Variants in MYOCD observed in about 807,000 individuals in gnomAD.
MYOCD encodes myocardin.
In MYOCD, 32 loss-of-function variants were observed where a neutral mutation model predicts 96.1. The observed-to-expected ratio is 0.33, with a 90% CI of 0.25 to 0.45. MYOCD has a LOEUF of 0.45. Among genes scored for constraint, MYOCD ranks in the 20% least tolerant of loss-of-function variants. The pLI, the probability that MYOCD is intolerant of heterozygous loss-of-function variation, is 1.00. For synonymous variants in MYOCD, 469 were observed against 469.0 expected, an observed-to-expected ratio of 1.00 and a Z score of 0.00; for missense variants, 1,133 against 1,200.6, an observed-to-expected ratio of 0.94 and a Z score of 0.83.
At chr17:12,739,940 C>A (rs950099618) in intron 7 of MYOCD, among the ~76,000 whole-genome samples, 23 of 151,324 alleles carry the variant, frequency 1.5e-4, no homozygotes, top group Non-Finnish European at 4.4e-5. Context: ...TTTTCTTTTT[C>A]TTTTTTCTTT....
At chr17:12,678,192 A>G (rs1910209434) in intron 1 of MYOCD, among the ~76,000 whole-genome samples, 1 of 151,920 alleles carries the variant, frequency 6.6e-6, no homozygotes, top group Non-Finnish European at 1.5e-5. Context: ...CGCCCAGCCT[A>G]TCATTTCTTT....
intron 1 of MYOCD, among the ~76,000 whole-genome samples, chr17:12,679,387 C>T (rs1374396402): frequency 6.6e-6 from 1 of 152,108 alleles, no homozygotes; most frequent in Non-Finnish European, 1.5e-5. Flanking sequence ...GCAGCCTTCA[C>T]AAAGGATTGT....
chr17:12,700,373 A>C (rs2150668525), intron 1 of MYOCD, among the ~76,000 whole-genome samples: 1 of 143,788 alleles, frequency 7.0e-6, no homozygotes. Context: ...AGAGTCTTCT[A>C]ATTGGCTAAC....
chr17:12,681,866 GCAGA>G (rs1910487317), intron 1 of MYOCD, among the ~76,000 whole-genome samples: 1 of 152,210 alleles, frequency 6.6e-6, no homozygotes, highest in African/African-American at 2.4e-5. Flanking sequence ...CAGTAGATGA[GCAGA>G]CAGTCAGGCC....
At position 12,766,208 on chromosome 17, in the gene MYOCD, A is replaced by T. The variant is rs1392593063; in HGVS notation, c.*2564A>T. The stretch of plus-strand genomic sequence containing the variant: ...GAAAACAAACTCACACAGTGCCCCT[A>T]CTCTGAGACCTGGGACTGAGTGTTA... On this transcript the variant is annotated 3_prime_UTR_variant, in exon 14 of 14. Transcript: ENST00000425538. The T allele has an allele frequency of 6.6e-6, 1 of 151,910 alleles. No individual in the cohort carries two copies. Among genetic ancestry groups the T allele is most frequent in the Non-Finnish European group, 1.5e-5 (1 of 67,996 alleles). 9.4% of individuals were successfully genotyped at this position (151,910 alleles called of 1,614,324 possible).
In MYOCD at chr17:12,763,859, A is replaced by C; in HGVS notation, c.*215A>C. ...TCAGTAACTGTTAATGATTTCAACA[A>C]TGCATTAAAAGAATGTGCTTTCTCA... On this transcript the variant is annotated 3_prime_UTR_variant, in exon 14 of 14. Transcript: ENST00000425538. The C allele has an allele frequency of 2.2e-6, 1 of 449,892 alleles. No homozygotes were observed. 27.9% of individuals were successfully genotyped at this position (449,892 alleles called of 1,614,324 possible). A position where few individuals can be genotyped will look rare whatever the true frequency, so the allele number is the denominator to read the frequency against.
At chr17:12,729,070 T>C (rs565536808) in intron 5 of MYOCD, among the ~76,000 whole-genome samples, 68 of 152,326 alleles carry the variant, frequency 4.5e-4, no homozygotes, top group Non-Finnish European at 8.2e-4. Flanking sequence ...GATCGTTCAT[T>C]TTGAAGGCAG....
intron 12 of MYOCD, among the ~76,000 whole-genome samples, chr17:12,759,626 GT>G (rs2033114745): frequency 6.6e-6 from 1 of 152,134 alleles, no homozygotes; most frequent in South Asian, 2.1e-4. Flanking sequence ...CGATTCTTCA[GT>G]TTCAAAAGAA....
At chr17:12,711,924 CTT>C (rs11388469) in intron 2 of MYOCD, among the ~76,000 whole-genome samples, 156 of 134,762 alleles carry the variant, frequency 1.2e-3, no homozygotes, top group African/African-American at 2.8e-3. Flanking sequence ...TTTCTTTTTT[CTT>C]TTTTTTTTTT....
chr17:12,678,338 AATAATTAAAC>A (rs1910223611), intron 1 of MYOCD, among the ~76,000 whole-genome samples: 1 of 151,498 alleles, frequency 6.6e-6, no homozygotes, highest in South Asian at 2.1e-4. Flanking sequence ...GAAAAGGCAT[AATAATTAAAC>A]TTATTCTCCG....
Position 12,739,287 on chromosome 17 carries a change from G to A in MYOCD, c.676G>A (p.Gly226Ser). The A allele has an allele frequency of 1.2e-6, 2 of 1,608,428 alleles. No individual in the cohort carries two copies. The highest frequency in any genetic ancestry group is 1.7e-6 in the Non-Finnish European group (2 of 1,177,756). ...GTCAGATGCGGGGAAGCAGGGGCTT[G>A]GCCCCCCCAGCACCCCCATAGCCGT... ...HQSDAGKQGL[G>S]PPSTPIAVHA... The change falls in exon 7 of 14, where the codon GGC (glycine) becomes AGC (serine). Residue 226 changes from glycine to serine, a missense_variant. Transcript: ENST00000425538.
chr17:12,666,373 T>C (rs1909376452), intron 1 of MYOCD, 130 bp downstream of exon 1: 1 of 705,544 alleles, frequency 1.4e-6, no homozygotes, highest in Non-Finnish European at 2.5e-6. Context: ...AAAAGCACAT[T>C]GTGGAAGCGA....
rs2150631119 is a variant in MYOCD at position 12,675,001 on chromosome 17, C to T, written c.55+8758C>T. Among the ~76,000 whole-genome samples the T allele has an allele frequency of 1.3e-5, 2 of 152,010 alleles. 1 individual carries two copies. Among genetic ancestry groups the T allele is most frequent in the South Asian group, 4.1e-4 (2 of 4,828 alleles). ...TCATCAAAATAAATTTAAAATCAAACTGTAGATTGAAAAAAATACTTGAAA... is the reference window on the plus strand; with the variant it reads ...TCATCAAAATAAATTTAAAATCAAATTGTAGATTGAAAAAAATACTTGAAA... On this transcript the variant is annotated intron_variant, in intron 1 of 13. Coordinates refer to ENST00000425538, the MANE Select transcript of MYOCD (RefSeq NM_001146312.3).
chr17:12,734,252 G>A (rs2032270600), intron 5 of MYOCD, among the ~76,000 whole-genome samples: 1 of 152,122 alleles, frequency 6.6e-6, no homozygotes, highest in South Asian at 2.1e-4. Context: ...GAAGGAAGTG[G>A]GCAGGGGAGG....
intron 5 of MYOCD, among the ~76,000 whole-genome samples, chr17:12,733,484 G>T (rs1413255714): frequency 6.6e-6 from 1 of 152,160 alleles, no homozygotes; most frequent in Non-Finnish European, 1.5e-5. Flanking sequence ...TACCAGGTGA[G>T]TCTGAGATTC....
intron 1 of MYOCD, among the ~76,000 whole-genome samples, chr17:12,699,968 G>A (rs2030982747): frequency 6.9e-6 from 1 of 143,888 alleles, no homozygotes; most frequent in Non-Finnish European, 1.5e-5. Context: ...GGAGTGCAAT[G>A]GCACAATCTC....
At chr17:12,692,195 A>G (rs1380918915) in intron 1 of MYOCD, among the ~76,000 whole-genome samples, 2 of 152,234 alleles carry the variant, frequency 1.3e-5, no homozygotes, top group Non-Finnish European at 2.9e-5. Context: ...CTAAGGGACC[A>G]TCACTCCTGG....
Position 12,736,211 on chromosome 17 carries a change from G to T in MYOCD, c.466G>T (p.Asp156Tyr). 2 of 1,614,126 alleles carry T rather than the reference G, an allele frequency of 1.2e-6. No homozygotes were observed. The highest frequency in any genetic ancestry group is 1.7e-6 in the Non-Finnish European group (2 of 1,180,022). The change falls in exon 6 of 14, where the codon GAC (aspartate) becomes TAC (tyrosine). Residue 156 changes from aspartate to tyrosine, a missense_variant. By Grantham distance (160) the Asp-to-Tyr change is radical. Coordinates refer to ENST00000425538, the MANE Select transcript of MYOCD (RefSeq NM_001146312.3). Reference protein sequence around the residue: ...KSTDAFAFEEDSSSDGLSPDQ... With the variant: ...KSTDAFAFEEYSSSDGLSPDQ... ...CACGGATGCTTTTGCCTTTGAAGAG[G>T]ACAGCAGCAGCGATGGGCTTTCTCC...
At chr17:12,718,310 A>G (rs2031711399) in intron 4 of MYOCD, among the ~76,000 whole-genome samples, 2 of 152,122 alleles carry the variant, frequency 1.3e-5, no homozygotes, top group Non-Finnish European at 2.9e-5. Flanking sequence ...CAAAGAAAAG[A>G]GCCATCGGAA....
Sources: gnomAD v4.1 joint callset for allele counts (sites outside exome capture counted in the v4.1 genomes callset) on GRCh38, gnomAD v4.1.1 for gene constraint, MANE v1.5 for transcripts, NCBI Gene and HGNC (gene_info 2026-07-23, HGNC 2026-07-21) for gene names.